Variants in MAGI1 observed in about 807,000 individuals in gnomAD.
MAGI1 encodes the protein membrane-associated guanylate kinase, WW and PDZ domain-containing protein 1.
A neutral mutation model predicts 139.9 loss-of-function variants in MAGI1; 58 were observed. The ratio of observed to expected loss-of-function variants is 0.41; its 90% CI spans 0.34 to 0.52. The LOEUF is 0.52. MAGI1 is among the 20% of genes least tolerant of loss of function. The probability of loss-of-function intolerance (pLI) is 0.12; values close to 1 mark genes in which losing one functional copy is unlikely to be tolerated. For missense variants in MAGI1, 1,874 were observed against 1,901.6 expected (o/e 0.99, Z 0.27); for synonymous variants, 812 against 737.9 (o/e 1.10, Z -1.63).
At chr3:65,894,361 T>A (rs1247734426) in intron 1 of MAGI1, among the ~76,000 whole-genome samples, 1 of 152,180 alleles carries the variant, frequency 6.6e-6, no homozygotes, top group Non-Finnish European at 1.5e-5. Context: ...ACATCATATT[T>A]ATAAAACATT....
At position 65,896,027 on chromosome 3, in the gene MAGI1, C is replaced by G. The variant is rs147946177; in HGVS notation, c.313+141969G>C. ...CCCACTACCATTGCATCTCTGTAAA[C>G]CTCAAGAAGTGATGCTGCAAGGACC... is the stretch of plus-strand genomic sequence containing the variant. On this transcript the variant is annotated intron_variant, in intron 1 of 22. Transcript: ENST00000402939. 5.3e-5 allele frequency among the ~76,000 whole-genome samples: 8 copies of G among 152,212 alleles called. No individual in the cohort carries two copies. The East Asian group carries it at 9.7e-4, about 18-fold the overall frequency.
chr3:65,389,135 G>A (rs551471863), intron 14 of MAGI1, among the ~76,000 whole-genome samples: 9 of 152,130 alleles, frequency 5.9e-5, no homozygotes, highest in South Asian at 4.2e-4. Flanking sequence ...GAGCCGTGGC[G>A]CCTGGCCCCG....
At chr3:66,003,428 G>C (rs557100907) in intron 1 of MAGI1, among the ~76,000 whole-genome samples, 1 of 151,942 alleles carries the variant, frequency 6.6e-6, no homozygotes, top group Admixed American at 6.6e-5. Flanking sequence ...GGCCAAGGTG[G>C]GTGGATCACA....
intron 1 of MAGI1, among the ~76,000 whole-genome samples, chr3:65,954,847 GAGGA>G (rs1203022294): frequency 6.6e-6 from 1 of 152,188 alleles, no homozygotes; most frequent in African/African-American, 2.4e-5. Context: ...GCCTGGCACT[GAGGA>G]AGTGCCAGGT....
chr3:65,445,871 T>TTCATAA (rs1948645544), intron 7 of MAGI1, among the ~76,000 whole-genome samples: 1 of 152,198 alleles, frequency 6.6e-6, no homozygotes, highest in African/African-American at 2.4e-5. Flanking sequence ...TTGTCACATC[T>TTCATAA]GGAATTACAT....
intron 2 of MAGI1, among the ~76,000 whole-genome samples, chr3:65,553,290 C>T (rs2079935211): frequency 6.6e-6 from 1 of 151,724 alleles, no homozygotes; most frequent in African/African-American, 2.4e-5. Context: ...ACTTGGCCAC[C>T]CAGAACTTAT....
intron 1 of MAGI1, among the ~76,000 whole-genome samples, chr3:65,901,530 G>C (rs2061233622): frequency 6.6e-6 from 1 of 152,208 alleles, no homozygotes; most frequent in South Asian, 2.1e-4. Context: ...ATGAAGTTAT[G>C]TGATTTCAAT....
intron 1 of MAGI1, among the ~76,000 whole-genome samples, chr3:65,916,235 T>A (rs892135577): frequency 2.6e-5 from 4 of 152,092 alleles, no homozygotes. Flanking sequence ...CCCAACCAGT[T>A]TTTTTGTATT....
intron 1 of MAGI1, among the ~76,000 whole-genome samples, chr3:66,027,062 G>A (rs1158012396): frequency 6.6e-6 from 1 of 151,788 alleles, no homozygotes; most frequent in Non-Finnish European, 1.5e-5. Context: ...AAGGTCAGGA[G>A]ATCGAGATCA....
rs1027476017 is a variant in MAGI1, at chr3:65,785,870, A to C, written c.314-163782T>G. Among the ~76,000 whole-genome samples the C allele has an allele frequency of 9.9e-5, 15 of 152,242 alleles. No homozygotes were observed. In the East Asian group the frequency reaches 2.9e-3, roughly 29 times the overall value. On this transcript the variant is annotated intron_variant, in intron 1 of 22. Coordinates refer to ENST00000402939, the MANE Select transcript of MAGI1 (RefSeq NM_001033057.2). ...CAAGTTCACAGAGACATTGTGTGAA[A>C]TCAAGTGTAATTTTTTAGGCCATGA...
intron 1 of MAGI1, among the ~76,000 whole-genome samples, chr3:65,860,990 A>C (rs144120776): frequency 6.6e-6 from 1 of 152,308 alleles, no homozygotes; most frequent in South Asian, 2.1e-4. Flanking sequence ...AGAGAATTCA[A>C]ATAAGAAGGG....
At chr3:65,465,078 C>A (rs113325386) in intron 5 of MAGI1, among the ~76,000 whole-genome samples, 2,153 of 149,834 alleles carry the variant, frequency 0.014, 54 homozygotes, top group African/African-American at 0.049. Context: ...AGTAGATAAA[C>A]CTTATCTCCA....
chr3:65,676,684 A>G (rs553500907), intron 1 of MAGI1, among the ~76,000 whole-genome samples: 2 of 152,324 alleles, frequency 1.3e-5, no homozygotes, highest in African/African-American at 2.4e-5. Flanking sequence ...CAAGCTAAGC[A>G]GTGCAAAAAA....
At chr3:65,739,690 C>T (rs886350614) in intron 1 of MAGI1, among the ~76,000 whole-genome samples, 4 of 152,054 alleles carry the variant, frequency 2.6e-5, no homozygotes, top group Middle Eastern at 3.4e-3. Flanking sequence ...TTGTGGCTCA[C>T]GGAATAGGGA....
chr3:65,605,558 T>C (rs1249281285), intron 2 of MAGI1, among the ~76,000 whole-genome samples: 1 of 152,150 alleles, frequency 6.6e-6, no homozygotes, highest in Non-Finnish European at 1.5e-5. Context: ...AGCCTAACAG[T>C]TGGCAATAAA....
Position 65,788,157 on chromosome 3 carries a change from A to T in MAGI1, c.314-166069T>A, listed in dbSNP as rs1459870919. 2.0e-5 allele frequency among the ~76,000 whole-genome samples: 3 copies of T among 152,208 alleles called. No individual in the cohort carries two copies. The East Asian group carries it at 5.8e-4, about 29-fold the overall frequency. ...AACTCACATAAAACAATGATGAAAA[A>T]ATCTCCAAAAGCCCATGAGGGCAGG... On this transcript the variant is annotated intron_variant, in intron 1 of 22. Coordinates refer to ENST00000402939, the MANE Select transcript of MAGI1 (RefSeq NM_001033057.2).
At chr3:65,737,770 C>A (rs2034900555) in intron 1 of MAGI1, among the ~76,000 whole-genome samples, 1 of 152,148 alleles carries the variant, frequency 6.6e-6, no homozygotes, top group Non-Finnish European at 1.5e-5. Context: ...TCACTAAATT[C>A]TACTTTATCA....
At chr3:65,448,119 C>G in intron 6 of MAGI1, 62 bp from the exon 7 acceptor site, 2 of 1,476,574 alleles carry the variant, frequency 1.4e-6, no homozygotes, top group East Asian at 4.5e-5. Context: ...CAGACACCAG[C>G]ACCAAGAAAG....
At chr3:65,959,002 CA>C (rs201487359) in intron 1 of MAGI1, among the ~76,000 whole-genome samples, 2 of 150,576 alleles carry the variant, frequency 1.3e-5, no homozygotes, top group East Asian at 2.0e-4. Context: ...AAAAAAACAA[CA>C]AAAAAAACCA....
Sources: gnomAD v4.1 joint callset for allele counts (sites outside exome capture counted in the v4.1 genomes callset) on GRCh38, gnomAD v4.1.1 for gene constraint, MANE v1.5 for transcripts, NCBI Gene and HGNC (gene_info 2026-07-23, HGNC 2026-07-21) for gene names.